RYR3: variants seen among roughly 807,000 people sequenced by gnomAD.
RYR3 encodes the protein ryanodine receptor 3, also known as brain ryanodine receptor-calcium release channel.
Under a neutral mutation model 584.3 loss-of-function variants are expected in RYR3, and 207 were observed. The ratio of observed to expected loss-of-function variants is 0.35; its 90% CI spans 0.32 to 0.40. The LOEUF (loss-of-function observed/expected upper bound fraction) is 0.40, where lower values mean the gene tolerates loss of function less well. RYR3 is among the 10% of genes least tolerant of loss of function. RYR3 has a pLI of 1.00. For synonymous variants in RYR3, 2,416 were observed against 2,248.5 expected (o/e 1.07, Z -2.11); for missense variants, 5,616 against 6,089.2 (o/e 0.92, Z 2.59).
chr15:33,514,846 A>G (rs1372018032), intron 3 of RYR3, among the ~76,000 whole-genome samples: 1 of 148,780 alleles, frequency 6.7e-6, no homozygotes, highest in East Asian at 2.0e-4. Flanking sequence ...CTAAAAATAC[A>G]AAAAAAAATT....
chr15:33,325,228 G>C (rs1969517447), intron 1 of RYR3, among the ~76,000 whole-genome samples: 1 of 152,162 alleles, frequency 6.6e-6, no homozygotes, highest in Admixed American at 6.5e-5. Flanking sequence ...GTCTGTACCA[G>C]ATACAAACCA....
chr15:33,661,125 G>A (rs1477716753), intron 34 of RYR3, among the ~76,000 whole-genome samples: 7 of 152,140 alleles, frequency 4.6e-5, no homozygotes, highest in Admixed American at 3.9e-4. Flanking sequence ...AGCAGGGCAG[G>A]CCATGGCAGG....
At chr15:33,493,925 AATGATG>A (rs572261298) in intron 2 of RYR3, among the ~76,000 whole-genome samples, 17 of 149,506 alleles carry the variant, frequency 1.1e-4, no homozygotes, top group African/African-American at 2.0e-4. Context: ...TCAAAATAAT[AATGATG>A]ATGATGATGA....
chr15:33,425,659 T>TTTTGG (rs1280517790), intron 1 of RYR3, among the ~76,000 whole-genome samples: 1 of 145,828 alleles, frequency 6.9e-6, no homozygotes, highest in African/African-American at 2.6e-5. Context: ...TTTTTTTTTT[T>TTTTGG]GAGATGGAGT....
intron 1 of RYR3, among the ~76,000 whole-genome samples, chr15:33,312,424 G>C (rs533091820): frequency 6.6e-6 from 1 of 152,142 alleles, no homozygotes; most frequent in Non-Finnish European, 1.5e-5. Flanking sequence ...CTACTGAGAG[G>C]CTAGAGTATT....
chr15:33,473,671 G>A (rs1195479807), intron 2 of RYR3, 133 bp downstream of exon 2: 1 of 916,332 alleles, frequency 1.1e-6, no homozygotes, highest in Non-Finnish European at 1.6e-6. Flanking sequence ...ATGGGAAGCA[G>A]ATCTGGTTTA....
At chr15:33,349,768 C>T (rs1358611573) in intron 1 of RYR3, among the ~76,000 whole-genome samples, 1 of 135,388 alleles carries the variant, frequency 7.4e-6, no homozygotes, top group African/African-American at 2.8e-5. Flanking sequence ...CAACAGTCCC[C>T]AGAGTGTGAT....
intron 64 of RYR3, among the ~76,000 whole-genome samples, chr15:33,775,183 A>G (rs1249565328): frequency 1.3e-5 from 2 of 152,134 alleles, no homozygotes; most frequent in Non-Finnish European, 2.9e-5. Flanking sequence ...TTCGTGCTCC[A>G]TGTTGGTAGA....
At chr15:33,586,530 A>C (rs2058855273) in intron 16 of RYR3, among the ~76,000 whole-genome samples, 1 of 152,224 alleles carries the variant, frequency 6.6e-6, no homozygotes, top group Non-Finnish European at 1.5e-5. Flanking sequence ...AAGTCTTAGC[A>C]ACATGGTTTG....
intron 80 of RYR3, 98 bp downstream of exon 80, chr15:33,821,700 G>A (rs575864215): frequency 6.0e-6 from 7 of 1,160,900 alleles, no homozygotes; most frequent in Non-Finnish European, 8.9e-6. Flanking sequence ...ACAGAGGGGA[G>A]CCACCCAGAA....
At chr15:33,571,143 T>C (rs2058006460) in intron 12 of RYR3, among the ~76,000 whole-genome samples, 1 of 142,952 alleles carries the variant, frequency 7.0e-6, no homozygotes. Flanking sequence ...CTTGTCTTGT[T>C]CCTGATCTAA....
chr15:33,610,487 A>G (rs930659078), intron 18 of RYR3, among the ~76,000 whole-genome samples: 3 of 152,150 alleles, frequency 2.0e-5, no homozygotes, highest in African/African-American at 7.2e-5. Flanking sequence ...TATCTGGCAC[A>G]TAGGAGAGCC....
At chr15:33,494,179 A>G (rs2051219658) in intron 2 of RYR3, among the ~76,000 whole-genome samples, 1 of 152,044 alleles carries the variant, frequency 6.6e-6, no homozygotes, top group African/African-American at 2.4e-5. Context: ...TTGTCCTGCA[A>G]TTTGGATTCT....
Position 33,530,191 on chromosome 15 carries a change from G to A in RYR3, c.280-401G>A, listed in dbSNP as rs886710956. On this transcript the variant is annotated intron_variant, in intron 3 of 103. Coordinates refer to ENST00000634891, the MANE Select transcript of RYR3 (RefSeq NM_001036.6). ...ATGGCACAGAATGTGACCATGTGCC[G>A]CCTGCCACACTGCCTTTGTGTTGCT... is the stretch of plus-strand genomic sequence containing the variant. Among the ~76,000 whole-genome samples, 14 of 152,300 alleles carry A rather than the reference G, an allele frequency of 9.2e-5. No individual in the cohort carries two copies. The East Asian group carries it at 2.3e-3, about 25-fold the overall frequency.
intron 1 of RYR3, among the ~76,000 whole-genome samples, chr15:33,413,982 G>A (rs2043599368): frequency 6.6e-6 from 1 of 152,156 alleles, no homozygotes. Flanking sequence ...CAGGATTAAT[G>A]TCATTTAAAC....
intron 64 of RYR3, among the ~76,000 whole-genome samples, chr15:33,779,730 T>C (rs563475500): frequency 6.3e-4 from 96 of 152,022 alleles, no homozygotes; most frequent in South Asian, 2.3e-3. Context: ...TGGCCGGGCG[T>C]GGTGGCTCAC....
intron 99 of RYR3, among the ~76,000 whole-genome samples, chr15:33,858,423 T>C (rs1230604240): frequency 2.0e-5 from 3 of 152,054 alleles, no homozygotes; most frequent in East Asian, 3.9e-4. Context: ...GTCAGGCTGG[T>C]CTCAAACTCC....
At chr15:33,616,670 A>T (rs934120091) in intron 19 of RYR3, among the ~76,000 whole-genome samples, 1 of 152,220 alleles carries the variant, frequency 6.6e-6, no homozygotes, top group Admixed American at 6.5e-5. Context: ...TGCTTATAGC[A>T]GCTGAACAGG....
At chr15:33,404,497 C>G (rs924448153) in intron 1 of RYR3, among the ~76,000 whole-genome samples, 1 of 151,946 alleles carries the variant, frequency 6.6e-6, no homozygotes, top group Admixed American at 6.6e-5. Flanking sequence ...GGCAGAACTA[C>G]TATCATTGAA....
Sources: gnomAD v4.1 joint callset for allele counts (sites outside exome capture counted in the v4.1 genomes callset) on GRCh38, gnomAD v4.1.1 for gene constraint, MANE v1.5 for transcripts, NCBI Gene and HGNC (gene_info 2026-07-23, HGNC 2026-07-21) for gene names.